The following RETREG3 variants were observed in gnomAD, a reference collection of about 807,000 sequenced individuals.
RETREG3 encodes reticulophagy regulator family member 3.
A neutral mutation model predicts 50.2 loss-of-function variants in RETREG3; 23 were observed. The ratio of observed to expected loss-of-function variants is 0.46; its 90% CI spans 0.33 to 0.65. The LOEUF is 0.65. Among genes scored for constraint, RETREG3 ranks in the 30% least tolerant of loss-of-function variants. The pLI, the probability that RETREG3 is intolerant of heterozygous loss-of-function variation, is 0.02. For synonymous variants in RETREG3, 240 were observed against 234.4 expected (o/e 1.02, Z -0.22); for missense variants, 546 against 598.0 (o/e 0.91, Z 0.91).
At chr17:42,582,358 G>T in intron 8 of RETREG3, 88 bp from the exon 9 acceptor site, 1 of 1,316,662 alleles carries the variant, frequency 7.6e-7, no homozygotes, top group Non-Finnish European at 1.0e-6. Context: ...TCCCACCCTG[G>T]CTTTCTCAGG....
rs781337450 is a variant in RETREG3 at position 42,582,042 on chromosome 17, G to A, written c.1172C>T (p.Ser391Phe). Residue 391 changes from serine (S) to phenylalanine (F), a missense_variant, in exon 9 of 9, where the codon TCC becomes TTC. Ser to Phe is a radical substitution (Grantham distance 155, BLOSUM62 -2). Coordinates refer to ENST00000309428, the MANE Select transcript of RETREG3 (RefSeq NM_178126.4). ...GCTGGCAAGGTTGCTGGTGAGGTTG[G>A]ATCCTACAGGAAGAGCACCAAGCAG... The part of the protein sequence containing the change: ...ELLLGALPVG[S>F]NLTSNLASLV... 3.7e-6 allele frequency: 6 copies of A among 1,614,122 alleles called. No homozygotes were observed. The Admixed American group carries it at 8.3e-5, about 22-fold the overall frequency.
intron 2 of RETREG3, among the ~76,000 whole-genome samples, chr17:42,588,470 C>T (rs944800950): frequency 2.6e-5 from 4 of 151,584 alleles, no homozygotes; most frequent in South Asian, 4.2e-4. Context: ...AGTGCAGTGG[C>T]GTGATCTCAG....
At chr17:42,600,290 G>A (rs1015882627) in intron 1 of RETREG3, among the ~76,000 whole-genome samples, 19 of 152,092 alleles carry the variant, frequency 1.2e-4, no homozygotes, top group African/African-American at 4.6e-4. Flanking sequence ...AGCTGAGGTG[G>A]GAGGATTGCT....
rs1362368883 is a variant in RETREG3 at position 42,581,839 on chromosome 17, C to G, written c.1375G>C (p.Asp459His). The G allele has an allele frequency of 1.2e-5, 19 of 1,598,908 alleles. No individual in the cohort carries two copies. The highest frequency in any genetic ancestry group is 1.6e-5 in the Non-Finnish European group (19 of 1,170,578). The change falls in exon 9 of 9, where the codon GAC (aspartate) becomes CAC (histidine). Residue 459 changes from aspartate (D) to histidine (H), a missense_variant. Asp to His is a moderately conservative substitution (Grantham distance 81). Coordinates refer to ENST00000309428, the MANE Select transcript of RETREG3 (RefSeq NM_178126.4). ...CAGTGGCTCCTAGAACTGGCAGGGT[C>G]CAGCTGACTCAGCTCCGACTGGTCC... The part of the protein sequence containing the change: ...LLDQSELSQL[D>H]PASSRSH
intron 8 of RETREG3, 42 bp downstream of exon 8, chr17:42,582,632 C>T (rs1178710177): frequency 1.4e-5 from 23 of 1,610,984 alleles, no homozygotes; most frequent in Non-Finnish European, 1.8e-5. Flanking sequence ...TAAGAGGCAA[C>T]AGTCAGAGCC....
At chr17:42,586,577 C>T in intron 4 of RETREG3, 188 bp downstream of exon 4, 1 of 673,616 alleles carries the variant, frequency 1.5e-6, no homozygotes, top group Non-Finnish European at 2.3e-6. Flanking sequence ...ACCAAATGAG[C>T]AGTCACCAAG....
chr17:42,602,898 A>ATG (rs2093161133), intron 1 of RETREG3, among the ~76,000 whole-genome samples: 1 of 152,180 alleles, frequency 6.6e-6, no homozygotes, highest in Non-Finnish European at 1.5e-5. Flanking sequence ...AGCCATGATC[A>ATG]CACCACTGCT....
intron 6 of RETREG3, among the ~76,000 whole-genome samples, chr17:42,583,913 T>G (rs949001989): frequency 2.0e-5 from 3 of 152,168 alleles, no homozygotes; most frequent in Admixed American, 2.0e-4. Flanking sequence ...ATTCAAGCAA[T>G]ACTCCTGTCT....
Position 42,580,707 on chromosome 17 carries a change from G to A in RETREG3, c.*1106C>T, listed in dbSNP as rs1438804213. On this transcript the variant is annotated 3_prime_UTR_variant, in exon 9 of 9. Transcript: ENST00000309428. ...GGGCTAGATGAGAGGGAGCAGGCCTGTTCTGCAAAACCAAAGGACAAGTTT... is the reference window on the plus strand; with the variant it reads ...GGGCTAGATGAGAGGGAGCAGGCCTATTCTGCAAAACCAAAGGACAAGTTT... 2 of 151,706 alleles carry A rather than the reference G, an allele frequency of 1.3e-5. No individual in the cohort carries two copies. The highest frequency in any genetic ancestry group is 4.9e-5 in the African/African-American group (2 of 40,870). 9.4% of individuals were successfully genotyped at this position (151,706 alleles called of 1,614,324 possible). A position where few individuals can be genotyped will look rare whatever the true frequency, so the allele number is the denominator to read the frequency against.
At chr17:42,597,476 C>A (rs1328786610) in intron 1 of RETREG3, among the ~76,000 whole-genome samples, 1 of 144,992 alleles carries the variant, frequency 6.9e-6, no homozygotes, top group Non-Finnish European at 1.5e-5. Context: ...AATGAGCCAC[C>A]GCGCCCAGCC....
chr17:42,602,922 G>C (rs1247041891), intron 1 of RETREG3, among the ~76,000 whole-genome samples: 6 of 152,032 alleles, frequency 3.9e-5, no homozygotes, highest in Admixed American at 2.6e-4. Flanking sequence ...GAGCCTGGGC[G>C]ACAGTGAGAT....
At chr17:42,597,360 T>C (rs1248739424) in intron 1 of RETREG3, among the ~76,000 whole-genome samples, 1 of 149,408 alleles carries the variant, frequency 6.7e-6, no homozygotes, top group Admixed American at 6.7e-5. Flanking sequence ...AGCTAATTTT[T>C]GTATTTTTAG....
At chr17:42,602,899 C>T (rs544564947) in intron 1 of RETREG3, among the ~76,000 whole-genome samples, 3 of 152,226 alleles carry the variant, frequency 2.0e-5, no homozygotes, top group East Asian at 1.9e-4. Context: ...GCCATGATCA[C>T]ACCACTGCTC....
At chr17:42,588,608 A>G (rs770862123) in intron 2 of RETREG3, among the ~76,000 whole-genome samples, 2 of 151,436 alleles carry the variant, frequency 1.3e-5, no homozygotes, top group African/African-American at 2.4e-5. Context: ...TCCACCTCCC[A>G]AAGTGCTGGC....
chr17:42,588,604 T>TC (rs1567922057), intron 2 of RETREG3, among the ~76,000 whole-genome samples: 1 of 151,548 alleles, frequency 6.6e-6, no homozygotes, highest in Non-Finnish European at 1.5e-5. Flanking sequence ...CTCCTCCACC[T>TC]CCCAAAGTGC....
At chr17:42,592,503 C>G (rs1416709589) in intron 1 of RETREG3, among the ~76,000 whole-genome samples, 1 of 152,170 alleles carries the variant, frequency 6.6e-6, no homozygotes, top group Non-Finnish European at 1.5e-5. Flanking sequence ...AAACATCTTT[C>G]TACCAAATTA....
At chr17:42,587,539 C>G (rs1386710801) in intron 3 of RETREG3, among the ~76,000 whole-genome samples, 1 of 152,226 alleles carries the variant, frequency 6.6e-6, no homozygotes, top group Non-Finnish European at 1.5e-5. Flanking sequence ...ATGAAGTTAG[C>G]TGCCTTTAAG....
rs1385345111 is a variant in RETREG3 at position 42,609,126 on chromosome 17, T to TA, written c.198dup (p.Arg67Ter). 1 of 1,608,836 alleles carries TA rather than the reference T, an allele frequency of 6.2e-7. No homozygotes were observed. The highest frequency in any genetic ancestry group is 8.5e-7 in the Non-Finnish European group (1 of 1,179,866). On this transcript the variant is annotated frameshift_variant, in exon 1 of 9. Coordinates refer to ENST00000309428, the MANE Select transcript of RETREG3 (RefSeq NM_178126.4). LOFTEE classifies it high-confidence loss of function. Reference sequence around the variant, plus strand: ...AGCCCCAGGCACCACAGAGCGCTCCTAGCTGGCCGCTCCCACACCAGGGCT... The same window carrying TA: ...AGCCCCAGGCACCACAGAGCGCTCCTAAGCTGGCCGCTCCCACACCAGGGCT...
intron 1 of RETREG3, among the ~76,000 whole-genome samples, chr17:42,601,102 C>A (rs1421704684): frequency 6.6e-6 from 1 of 151,944 alleles, no homozygotes; most frequent in Admixed American, 6.6e-5. Flanking sequence ...ATGGTGAAAC[C>A]CCATCTCTAC....
Sources: gnomAD v4.1 joint callset for allele counts (sites outside exome capture counted in the v4.1 genomes callset) on GRCh38, gnomAD v4.1.1 for gene constraint, MANE v1.5 for transcripts, NCBI Gene and HGNC (gene_info 2026-07-23, HGNC 2026-07-21) for gene names.